The following XYLB variants were observed in gnomAD, a reference collection of about 807,000 sequenced individuals.
The protein encoded by XYLB is xylulose kinase.
In XYLB, 62 loss-of-function variants were observed where a neutral mutation model predicts 78.7. That is an observed-to-expected ratio of 0.79 (90% confidence interval 0.64 to 0.97). The LOEUF (loss-of-function observed/expected upper bound fraction) is 0.97. Among genes scored for constraint, XYLB ranks in the 50% least tolerant of loss-of-function variants. The pLI, the probability that XYLB is intolerant of heterozygous loss-of-function variation, is 0.00. For synonymous variants in XYLB, 245 were observed against 247.4 expected, an observed-to-expected ratio of 0.99 and a Z score of 0.09; for missense variants, 687 against 676.8, an observed-to-expected ratio of 1.02 and a Z score of -0.17.
At chr3:38,437,651 A>G in the XYLB span, among the ~76,000 whole-genome samples, 7 of 152,218 alleles carry the variant, frequency 4.6e-5, no homozygotes, top group Non-Finnish European at 8.8e-5. Flanking sequence ...ATAAATCAAG[A>G]AGGCAATCCC....
At chr3:38,446,877 A>G in the XYLB span, among the ~76,000 whole-genome samples, 1 of 152,234 alleles carries the variant, frequency 6.6e-6, no homozygotes, top group Non-Finnish European at 1.5e-5. Context: ...TTTATGACTA[A>G]GACCTCAAAA....
intron 1 of XYLB, among the ~76,000 whole-genome samples, 187 bp downstream of exon 1, chr3:38,347,112 G>C (rs1705107278): frequency 6.6e-6 from 1 of 152,172 alleles, no homozygotes; most frequent in South Asian, 2.1e-4. Flanking sequence ...CTCGCCCGGA[G>C]ATGCCCTGCC....
In XYLB at chr3:38,351,171, C is replaced by CAA. The variant is rs58457623; in HGVS notation, c.140+2566_140+2567dup. Among the ~76,000 whole-genome samples the CAA allele has an allele frequency of 9.0e-3, 208 of 23,070 alleles. 15 individuals carry two copies. The highest frequency in any genetic ancestry group is 0.019 in the African/African-American group (160 of 8,510). The allele number at this position is 23,070 out of a possible 152,430, so 15.1% of individuals were successfully genotyped here. On this transcript the variant is annotated intron_variant, in intron 2 of 18. Transcript: ENST00000207870. Reference sequence around the variant, plus strand: ...TGGACAACAGAGGGAGAGCCTGTCTCAAAAAAAAAAAAAAAAAAAAAAAAA... The same window carrying CAA: ...TGGACAACAGAGGGAGAGCCTGTCTCAAAAAAAAAAAAAAAAAAAAAAAAAAA...
Position 38,395,561 on chromosome 3 carries a change from C to T in XYLB, c.1348C>T (p.Gln450Ter), listed in dbSNP as rs140641713. 369 of 1,614,152 alleles carry T rather than the reference C, an allele frequency of 2.3e-4. No individual in the cohort carries two copies. The highest frequency in any genetic ancestry group is 7.5e-4 in the Admixed American group (45 of 60,026). Reference protein sequence around the residue: ...GGASHNREILQVLADVFDAPV... With the variant: ...GGASHNREIL Reference sequence around the variant, plus strand: ...AGCATCTCACAATAGAGAAATCTTACAGGTAAGCGTTAGTAGTGGGCCTTA... The same window carrying T: ...AGCATCTCACAATAGAGAAATCTTATAGGTAAGCGTTAGTAGTGGGCCTTA... Residue 450 changes from glutamine to a stop codon, truncating the protein, a stop_gained and splice_region_variant, in exon 16 of 19, where the codon CAG becomes TAG. Coordinates refer to ENST00000207870, the MANE Select transcript of XYLB (RefSeq NM_005108.4). LOFTEE classifies it high-confidence loss of function.
intron 4 of XYLB, 100 bp from the exon 5 acceptor site, chr3:38,365,099 G>C: frequency 1.9e-6 from 2 of 1,047,886 alleles, no homozygotes; most frequent in Non-Finnish European, 2.9e-6. Context: ...CAGGTGTGGA[G>C]CCCAGTTCTT....
chr3:38,348,509 T>A (rs1421708432), intron 1 of XYLB, 41 bp from the exon 2 acceptor site: 1 of 1,603,900 alleles, frequency 6.2e-7, no homozygotes, highest in Non-Finnish European at 8.5e-7. Flanking sequence ...GTGTAGAAGC[T>A]GAGGAAAATT....
chr3:38,400,292 G>A (rs1047570158), intron 17 of XYLB, among the ~76,000 whole-genome samples: 1 of 152,078 alleles, frequency 6.6e-6, no homozygotes, highest in African/African-American at 2.4e-5. Context: ...AGCAAAAGAG[G>A]GATCTTAAAC....
chr3:38,433,035 G>A, the XYLB span, among the ~76,000 whole-genome samples: 1 of 152,210 alleles, frequency 6.6e-6, no homozygotes, highest in African/African-American at 2.4e-5. Flanking sequence ...CATCCATGAG[G>A]GCTCCGTCCC....
chr3:38,447,761 AG>A, the XYLB span, among the ~76,000 whole-genome samples: 2 of 152,338 alleles, frequency 1.3e-5, no homozygotes, highest in African/African-American at 4.8e-5. Context: ...AGCTACCCAA[AG>A]GAAAAGGAAT....
downstream of XYLB, among the ~76,000 whole-genome samples, chr3:38,423,089 T>G (rs1349056124): frequency 1.3e-5 from 2 of 152,144 alleles, no homozygotes; most frequent in African/African-American, 4.8e-5. Flanking sequence ...ATTATTTTTC[T>G]TAAGATGGAG....
chr3:38,372,375 G>A, intron 9 of XYLB: 1 of 985,094 alleles, frequency 1.0e-6, no homozygotes, highest in Non-Finnish European at 1.2e-6. Context: ...TTAGGGGTTG[G>A]TTTGTTCTCT....
At chr3:38,392,367 C>T (rs1039961346) in intron 15 of XYLB, among the ~76,000 whole-genome samples, 5 of 152,082 alleles carry the variant, frequency 3.3e-5, no homozygotes, top group Non-Finnish European at 5.9e-5. Flanking sequence ...GGCGCGATCT[C>T]GGCTCACTGC....
At chr3:38,429,484 C>T in the XYLB span, among the ~76,000 whole-genome samples, 1 of 152,104 alleles carries the variant, frequency 6.6e-6, no homozygotes, top group Admixed American at 6.6e-5. Context: ...ACATTTATTT[C>T]CTCTTAGTTC....
rs368611232 is a variant in XYLB at position 38,395,546 on chromosome 3, A to C, written c.1333A>C (p.Asn445His). ...TTTGGCCACAGGAGGAGCATCTCAC[A>C]ATAGAGAAATCTTACAGGTAAGCGT... Reference protein sequence around the residue: ...KILATGGASHNREILQVLADV... With the variant: ...KILATGGASHHREILQVLADV... The change falls in exon 16 of 19, where the codon AAT becomes CAT. Residue 445 changes from asparagine to histidine, a missense_variant. Physicochemically the swap from Asn to His is moderately conservative, Grantham distance 68 (BLOSUM62 1). Coordinates refer to ENST00000207870, the MANE Select transcript of XYLB (RefSeq NM_005108.4). The C allele has an allele frequency of 9.3e-6, 15 of 1,614,092 alleles. No individual in the cohort carries two copies. In the African/African-American group the frequency reaches 1.3e-4, roughly 14 times the overall value.
chr3:38,418,962 C>T (rs946131578), downstream of XYLB, among the ~76,000 whole-genome samples: 1 of 152,016 alleles, frequency 6.6e-6, no homozygotes, highest in African/African-American at 2.4e-5. Flanking sequence ...AGGTATATTA[C>T]CAATATTATG....
At chr3:38,362,826 C>A in intron 3 of XYLB, 111 bp from the exon 4 acceptor site, 1 of 803,254 alleles carries the variant, frequency 1.2e-6, no homozygotes, top group Non-Finnish European at 1.8e-6. Flanking sequence ...TCTTCATCAT[C>A]TGCCCAGAGT....
the XYLB span, among the ~76,000 whole-genome samples, chr3:38,430,802 T>C: frequency 6.6e-6 from 1 of 152,258 alleles, no homozygotes; most frequent in Non-Finnish European, 1.5e-5. Context: ...CACCATTTAT[T>C]AAATAGGGAA....
At chr3:38,351,171 C>CAAAAAAAAAAAAAAATAAATAAA (rs1705340109) in intron 2 of XYLB, among the ~76,000 whole-genome samples, 1 of 23,074 alleles carries the variant, frequency 4.3e-5, no homozygotes, top group Non-Finnish European at 9.8e-5. Flanking sequence ...GAGCCTGTCT[C>CAAAAAAAAAAAAAAATAAATAAA]AAAAAAAAAA....
the XYLB span, among the ~76,000 whole-genome samples, chr3:38,426,733 C>T: frequency 6.6e-6 from 1 of 152,202 alleles, no homozygotes; most frequent in African/African-American, 2.4e-5. Context: ...GCCTTTATCA[C>T]TTTGCAAAAA....
Sources: gnomAD v4.1 joint callset for allele counts (sites outside exome capture counted in the v4.1 genomes callset) on GRCh38, gnomAD v4.1.1 for gene constraint, MANE v1.5 for transcripts, NCBI Gene and HGNC (gene_info 2026-07-23, HGNC 2026-07-21) for gene names.